ADGRG4: variants seen among roughly 807,000 people sequenced by gnomAD.
ADGRG4 encodes the protein G protein-coupled receptor 112.
ADGRG4 carries 122 observed loss-of-function variants against 126.2 expected under a neutral mutation model. The observed-to-expected ratio is 0.97, with a 90% CI of 0.83 to 1.12. ADGRG4 has a LOEUF of 1.12. Among genes scored for constraint, ADGRG4 ranks in the 50% most tolerant of loss-of-function variants. The pLI, the probability that ADGRG4 is intolerant of heterozygous loss-of-function variation, is 0.00. For missense variants in ADGRG4, 2,481 were observed against 2,251.8 expected, an observed-to-expected ratio of 1.10 and a Z score of -2.06; for synonymous variants, 943 against 838.7, an observed-to-expected ratio of 1.12 and a Z score of -2.15.
chrX:136,400,554 G>A (rs1334275939), intron 21 of ADGRG4, among the ~76,000 whole-genome samples: 1 of 112,361 alleles, frequency 8.9e-6, no homozygotes, highest in Non-Finnish European at 1.9e-5. Flanking sequence ...TGAGGAGACT[G>A]AGGCACACAG....
At chrX:136,407,338 G>GAA (rs11428425) in intron 23 of ADGRG4, among the ~76,000 whole-genome samples, 8,213 of 101,288 alleles carry the variant, frequency 0.081, 282 homozygotes, top group African/African-American at 0.11. Context: ...GCTCTATTAT[G>GAA]AAAAAAAAAA....
chrX:136,404,434 G>GT (rs1239675837), intron 22 of ADGRG4, among the ~76,000 whole-genome samples: 4 of 111,277 alleles, frequency 3.6e-5, no homozygotes, highest in South Asian at 7.6e-4. Flanking sequence ...TGCTCTAATA[G>GT]TTTTTTTTCA....
chrX:136,312,127 G>C (rs1361197183), intron 4 of ADGRG4, among the ~76,000 whole-genome samples: 1 of 112,070 alleles, frequency 8.9e-6, no homozygotes. Flanking sequence ...CATGTGGCTA[G>C]GTTTTAATTA....
At chrX:136,334,922 C>T (rs563141631) in intron 5 of ADGRG4, among the ~76,000 whole-genome samples, 4 of 111,216 alleles carry the variant, frequency 3.6e-5, no homozygotes, top group African/African-American at 9.8e-5. Flanking sequence ...TCCAGTACCA[C>T]GTTGAATCAT....
At chrX:136,380,601 CT>C (rs2075255345) in intron 15 of ADGRG4, among the ~76,000 whole-genome samples, 4 of 60,168 alleles carry the variant, frequency 6.6e-5, no homozygotes, top group African/African-American at 2.5e-4. Context: ...CCTCCTCCTC[CT>C]CCTCTTCTTC....
chrX:136,392,346 G>A lies in ADGRG4; in HGVS notation c.8026G>A (p.Gly2676Arg), dbSNP rs746739552. Residue 2676 changes from glycine to arginine, a missense_variant, in exon 17 of 26, where the codon GGA becomes AGA. By Grantham distance (125) the Gly-to-Arg change is moderately radical. Coordinates refer to ENST00000394143, the MANE Select transcript of ADGRG4 (RefSeq NM_153834.4). ...GGTTATCACTCTGCAGCATATTGGA[G>A]GAAACCAGGTAATATATCTATTTTC... ...PVVITLQHIG[G>R]NQNYGQVHCA... is the part of the protein sequence containing the mutation. The A allele has an allele frequency of 3.5e-6, 4 of 1,158,572 alleles. No homozygotes were observed. In the South Asian group the frequency reaches 6.4e-5, roughly 19 times the overall value.
At chrX:136,305,939 T>C (rs985078401) in intron 3 of ADGRG4, 1 of 111,668 alleles carries the variant, frequency 9.0e-6, no homozygotes. Context: ...AGCAGCCCCA[T>C]GACGTGCTAC....
rs1030810560 is a variant in ADGRG4, at chrX:136,378,863, T to G, written c.7776+5799T>G. On this transcript the variant is annotated intron_variant, in intron 15 of 25. Transcript: ENST00000394143. The stretch of plus-strand genomic sequence containing the variant: ...CCCTACTGGTCATCATGCATCATCA[T>G]GTTTATGTATTGCTATTTTCTAAGT... 1.8e-4 allele frequency among the ~76,000 whole-genome samples: 20 copies of G among 112,212 alleles called. 1 individual carries two copies.
At chrX:136,326,111 TCAAA>T (rs1174179239) in intron 5 of ADGRG4, among the ~76,000 whole-genome samples, 1 of 112,114 alleles carries the variant, frequency 8.9e-6, no homozygotes, top group African/African-American at 3.2e-5. Flanking sequence ...AATTATCACC[TCAAA>T]CAAACAAAAA....
chrX:136,364,987 A>G (rs2075150077), intron 13 of ADGRG4, among the ~76,000 whole-genome samples: 1 of 111,964 alleles, frequency 8.9e-6, no homozygotes. Context: ...ACAGCAATTT[A>G]GATTCCCACT....
chrX:136,402,545 C>A (rs1304833409), intron 21 of ADGRG4, among the ~76,000 whole-genome samples: 2 of 111,793 alleles, frequency 1.8e-5, no homozygotes, highest in Admixed American at 1.9e-4. Context: ...TTTAACAAAA[C>A]CCCTAAAATG....
In ADGRG4 at chrX:136,348,158, G is replaced by A. The variant is rs1216761001; in HGVS notation, c.4452G>A (p.Arg1484=). Residue 1484 remains arginine, a synonymous_variant, in exon 6 of 26, where the codon AGG becomes AGA. Coordinates refer to ENST00000394143, the MANE Select transcript of ADGRG4 (RefSeq NM_153834.4). ...YNDGFTVLSD[R]ITTAFSVPNV... Reference sequence around the variant, plus strand: ...ACGGTTTTACAGTTCTCTCCGACAGGATCACTACAGCCTTTTCTGTTCCAA... The same window carrying A: ...ACGGTTTTACAGTTCTCTCCGACAGAATCACTACAGCCTTTTCTGTTCCAA... 8.3e-7 allele frequency: 1 copy of A among 1,207,060 alleles called. No individual in the cohort carries two copies. Among genetic ancestry groups the A allele is most frequent in the East Asian group, 3.0e-5 (1 of 33,706 alleles).
chrX:136,409,061 A>G (rs2075431617), intron 23 of ADGRG4, among the ~76,000 whole-genome samples: 1 of 109,083 alleles, frequency 9.2e-6, no homozygotes, highest in Non-Finnish European at 1.9e-5. Flanking sequence ...ACACACACAC[A>G]CACACACACA....
intron 12 of ADGRG4, among the ~76,000 whole-genome samples, chrX:136,362,469 T>C (rs757643265): frequency 1.8e-5 from 2 of 111,830 alleles, no homozygotes; most frequent in Non-Finnish European, 3.8e-5. Context: ...GCTGCCAGCA[T>C]GATTTTCCTG....
intron 15 of ADGRG4, among the ~76,000 whole-genome samples, chrX:136,382,722 G>A (rs905846996): frequency 9.0e-6 from 1 of 111,690 alleles, no homozygotes; most frequent in Non-Finnish European, 1.9e-5. Flanking sequence ...GTAGTAGACT[G>A]ATTTCATCTT....
chrX:136,302,210 C>T (rs1414232403), intron 1 of ADGRG4, among the ~76,000 whole-genome samples: 2 of 111,962 alleles, frequency 1.8e-5, no homozygotes, highest in South Asian at 3.8e-4. Flanking sequence ...TCTTCCTACC[C>T]ATGAGCATGG....
chrX:136,373,825 G>A (rs1267951978), intron 15 of ADGRG4, among the ~76,000 whole-genome samples: 1 of 110,771 alleles, frequency 9.0e-6, no homozygotes, highest in African/African-American at 3.3e-5. Context: ...AATTAGCCAG[G>A]CATGGTAGTG....
At chrX:136,319,157 C>T (rs765397418) in intron 4 of ADGRG4, among the ~76,000 whole-genome samples, 10 of 112,596 alleles carry the variant, frequency 8.9e-5, no homozygotes, top group African/African-American at 3.2e-4. Context: ...CCTGGCCAAA[C>T]ATAAGGGCAA....
At chrX:136,386,831 A>G (rs1212676327) in intron 15 of ADGRG4, among the ~76,000 whole-genome samples, 1 of 112,327 alleles carries the variant, frequency 8.9e-6, no homozygotes, top group Non-Finnish European at 1.9e-5. Context: ...TACTATTACC[A>G]ATCAACTCAG....
Sources: allele counts gnomAD v4.1 joint callset (sites outside exome capture counted in the v4.1 genomes callset), GRCh38; gene constraint gnomAD v4.1.1; transcripts MANE v1.5; gene names NCBI Gene and HGNC (gene_info 2026-07-23, HGNC 2026-07-21).